The following SLF1 variants were observed in gnomAD, a reference collection of about 807,000 sequenced individuals.
SLF1 encodes SMC5/6 complex localization factor 1, also known as SMC5-SMC6 complex localization factor protein 1.
A neutral mutation model predicts 123.0 loss-of-function variants in SLF1; 105 were observed. That is an observed-to-expected ratio of 0.85 (90% CI 0.73 to 1.00). SLF1 has a LOEUF of 1.00. SLF1 is among the 50% of genes least tolerant of loss of function. SLF1 has a pLI of 0.00. For missense variants in SLF1, 1,239 were observed against 1,223.0 expected, an observed-to-expected ratio of 1.01 and a Z score of -0.20; for synonymous variants, 434 against 406.6, an observed-to-expected ratio of 1.07 and a Z score of -0.81.
intron 4 of SLF1, among the ~76,000 whole-genome samples, chr5:94,635,549 C>G (rs1190432649): frequency 6.6e-6 from 1 of 151,116 alleles, no homozygotes; most frequent in Non-Finnish European, 1.5e-5. Context: ...TGATGGTTTT[C>G]TGTAGTGGTT....
chr5:94,688,501 A>C lies in SLF1; in HGVS notation c.2122-5A>C. 1 of 1,610,104 alleles carries C rather than the reference A, an allele frequency of 6.2e-7. No homozygotes were observed. On this transcript the variant is annotated splice_region_variant and splice_polypyrimidine_tract_variant and intron_variant, in intron 16 of 20. Coordinates refer to ENST00000265140, the MANE Select transcript of SLF1 (RefSeq NM_032290.4). ...AGAAAATAATGCAATATTATTTTTCAACAGGTATATTCCTATTTACCAGCC... is the reference window on the plus strand; with the variant it reads ...AGAAAATAATGCAATATTATTTTTCCACAGGTATATTCCTATTTACCAGCC...
intron 9 of SLF1, among the ~76,000 whole-genome samples, chr5:94,660,780 GA>G (rs1011584473): frequency 1.3e-5 from 2 of 152,210 alleles, no homozygotes; most frequent in African/African-American, 4.8e-5. Context: ...GAAACACACA[GA>G]AACTGTGGGA....
At chr5:94,656,744 A>G (rs1466763337) in intron 9 of SLF1, among the ~76,000 whole-genome samples, 1 of 151,714 alleles carries the variant, frequency 6.6e-6, no homozygotes, top group African/African-American at 2.4e-5. Flanking sequence ...CATTTCCCCT[A>G]AGTTTTCTGA....
chr5:94,637,784 A>G (rs1337366899), intron 4 of SLF1, among the ~76,000 whole-genome samples: 1 of 152,126 alleles, frequency 6.6e-6, no homozygotes, highest in East Asian at 1.9e-4. Context: ...GCTGTTCTGC[A>G]TATGGCAGAA....
intron 18 of SLF1, among the ~76,000 whole-genome samples, chr5:94,689,945 C>T (rs1240194915): frequency 1.3e-5 from 2 of 152,124 alleles, no homozygotes; most frequent in African/African-American, 4.8e-5. Flanking sequence ...TCAGTGTCTT[C>T]TGATTTGAAA....
chr5:94,638,947 G>A (rs550910814), intron 4 of SLF1, among the ~76,000 whole-genome samples: 5 of 149,408 alleles, frequency 3.3e-5, no homozygotes, highest in Admixed American at 1.3e-4. Flanking sequence ...TAATTGCATT[G>A]TTGAGGACAT....
At position 94,623,514 on chromosome 5, in the gene SLF1, A is replaced by T. The variant is rs375102200; in HGVS notation, c.-1+4749A>T. Among the ~76,000 whole-genome samples the T allele has an allele frequency of 4.0e-5, 6 of 151,020 alleles. No individual in the cohort carries two copies. In the East Asian group the frequency reaches 1.2e-3, roughly 29 times the overall value. ...TTCCCTCCTTTTTTTTGGTGTTAAGATAGTATCTTCTGTATGAATGCTCCA... is the reference window on the plus strand; with the variant it reads ...TTCCCTCCTTTTTTTTGGTGTTAAGTTAGTATCTTCTGTATGAATGCTCCA... On this transcript the variant is annotated intron_variant, in intron 1 of 20. Transcript: ENST00000265140.
intron 1 of SLF1, among the ~76,000 whole-genome samples, chr5:94,623,785 A>G (rs577718292): frequency 9.9e-5 from 15 of 152,260 alleles, no homozygotes; most frequent in East Asian, 1.9e-4. Flanking sequence ...CCTCATTAAC[A>G]TATCAGGTTT....
rs1308970130 is a variant in SLF1 at position 94,643,261 on chromosome 5, A to AT, written c.432-7dup. 6.6e-7 allele frequency: 1 copy of AT among 1,505,300 alleles called. No homozygotes were observed. Among genetic ancestry groups the AT allele is most frequent in the Non-Finnish European group, 8.9e-7 (1 of 1,123,948 alleles). The allele number at this position is 1,505,300 out of a possible 1,614,324, so 93.2% of individuals were successfully genotyped here. A position where few individuals can be genotyped will look rare whatever the true frequency, so the allele number is the denominator to read the frequency against. The stretch of plus-strand genomic sequence containing the variant: ...TTTCTAATACTTTTATACCATTTAC[A>AT]TTTTTATTTAGAGTTTTGGAGGCTG... On this transcript the variant is annotated splice_polypyrimidine_tract_variant and intron_variant, in intron 4 of 20. Transcript: ENST00000265140.
chr5:94,650,362 A>ATT (rs10603196), intron 6 of SLF1, among the ~76,000 whole-genome samples: 1 of 128,990 alleles, frequency 7.8e-6, no homozygotes, highest in Non-Finnish European at 1.6e-5. Flanking sequence ...AATTTGGAAC[A>ATT]TTTTTTTTTT....
At chr5:94,619,770 G>T (rs999975797) in intron 1 of SLF1, among the ~76,000 whole-genome samples, 2 of 152,190 alleles carry the variant, frequency 1.3e-5, no homozygotes, top group African/African-American at 4.8e-5. Context: ...CTCATTATTG[G>T]AAAGTTTGAT....
At chr5:94,631,004 C>CA (rs59991527) in intron 4 of SLF1, among the ~76,000 whole-genome samples, 33,795 of 151,790 alleles carry the variant, frequency 0.22, 3,882 homozygotes, top group East Asian at 0.34. Flanking sequence ...TCAAGCAAAA[C>CA]AAAAAAGGAA....
At chr5:94,635,427 G>C (rs538902992) in intron 4 of SLF1, among the ~76,000 whole-genome samples, 13 of 147,582 alleles carry the variant, frequency 8.8e-5, no homozygotes, top group Admixed American at 2.0e-4. Context: ...TTATGTTTAG[G>C]GTTATTATCG....
chr5:94,684,935 G>A (rs917478526), intron 15 of SLF1, among the ~76,000 whole-genome samples: 9 of 152,302 alleles, frequency 5.9e-5, no homozygotes, highest in Middle Eastern at 6.8e-3. Context: ...GTTTTGGGCT[G>A]GATAATTATT....
intron 8 of SLF1, 22 bp from the exon 9 acceptor site, chr5:94,654,608 C>A: frequency 1.3e-6 from 2 of 1,512,894 alleles, no homozygotes; most frequent in South Asian, 2.6e-5. Context: ...TTTCTAAAGT[C>A]ATTTTACTTT....
At chr5:94,641,431 A>C (rs1410778156) in intron 4 of SLF1, among the ~76,000 whole-genome samples, 3 of 152,162 alleles carry the variant, frequency 2.0e-5, no homozygotes, top group Admixed American at 2.0e-4. Context: ...TTTTCTTATA[A>C]ATTACCAAGT....
At chr5:94,658,720 G>A (rs1315434032) in intron 9 of SLF1, among the ~76,000 whole-genome samples, 5 of 152,220 alleles carry the variant, frequency 3.3e-5, no homozygotes, top group South Asian at 2.1e-4. Flanking sequence ...TTTAAAATAG[G>A]TTTTCTATGC....
intron 4 of SLF1, among the ~76,000 whole-genome samples, chr5:94,636,709 G>GT (rs1745824582): frequency 9.0e-6 from 1 of 110,510 alleles, no homozygotes; most frequent in Admixed American, 9.3e-5. Context: ...GTATTTTACT[G>GT]ATTTTTTTTT....
Position 94,665,868 on chromosome 5 carries a change from T to A in SLF1, c.1376T>A (p.Ile459Lys). The A allele has an allele frequency of 6.5e-7, 1 of 1,542,742 alleles. No homozygotes were observed. Among genetic ancestry groups the A allele is most frequent in the South Asian group, 1.2e-5 (1 of 83,752 alleles). Reference protein sequence around the residue: ...ALLENVLQDNIDTFSGRYFHI... With the variant: ...ALLENVLQDNKDTFSGRYFHI... ...TTTATTTTTAAATAATAGGATAACA[T>A]AGATACATTTTCTGGTCGATACTTT... The change falls in exon 12 of 21, where the codon ATA (isoleucine) becomes AAA (lysine). Residue 459 changes from isoleucine to lysine, a missense_variant. By Grantham distance (102) the Ile-to-Lys change is moderately radical. Coordinates refer to ENST00000265140, the MANE Select transcript of SLF1 (RefSeq NM_032290.4).
Sources: gnomAD v4.1 joint callset for allele counts (sites outside exome capture counted in the v4.1 genomes callset) on GRCh38, gnomAD v4.1.1 for gene constraint, MANE v1.5 for transcripts, NCBI Gene and HGNC (gene_info 2026-07-23, HGNC 2026-07-21) for gene names.